The following HPSE2 variants were observed in gnomAD, a reference collection of about 807,000 sequenced individuals.
The protein encoded by HPSE2 is heparanase 2 (inactive).
Under a neutral mutation model 60.5 loss-of-function variants are expected in HPSE2, and 38 were observed. The ratio of observed to expected loss-of-function variants is 0.63; its 90% CI spans 0.48 to 0.82. HPSE2 has a LOEUF of 0.82. Among genes scored for constraint, HPSE2 ranks in the 40% least tolerant of loss-of-function variants. The pLI, the probability that HPSE2 is intolerant of heterozygous loss-of-function variation, is 0.00. For missense variants in HPSE2, 713 were observed against 740.4 expected, an observed-to-expected ratio of 0.96 and a Z score of 0.43; for synonymous variants, 295 against 293.2, an observed-to-expected ratio of 1.01 and a Z score of -0.06.
intron 11 of HPSE2, among the ~76,000 whole-genome samples, chr10:98,470,102 G>GGTGTGTGTGT (rs55762346): frequency 0.033 from 4,935 of 150,278 alleles, 157 homozygotes; most frequent in African/African-American, 0.077. Flanking sequence ...TAGGAAGGCA[G>GGTGTGTGTGT]GTGTGTGTGT....
chr10:99,159,242 A>G (rs1846722308), intron 2 of HPSE2, among the ~76,000 whole-genome samples: 1 of 152,166 alleles, frequency 6.6e-6, no homozygotes, highest in African/African-American at 2.4e-5. Flanking sequence ...GATTAATACA[A>G]CTGAAAAACC....
At chr10:99,274,475 A>G in the HPSE2 span, among the ~76,000 whole-genome samples, 4 of 152,188 alleles carry the variant, frequency 2.6e-5, no homozygotes, top group African/African-American at 9.6e-5. Context: ...TTTAAGACTC[A>G]GTTTTCATAA....
At chr10:99,219,191 CT>C (rs757809261) in intron 2 of HPSE2, among the ~76,000 whole-genome samples, 5 of 152,264 alleles carry the variant, frequency 3.3e-5, no homozygotes, top group Admixed American at 1.3e-4. Flanking sequence ...CTTTTAGAAT[CT>C]TTTTGGAAGT....
chr10:99,158,682 C>A (rs1846690778), intron 2 of HPSE2, among the ~76,000 whole-genome samples: 1 of 147,720 alleles, frequency 6.8e-6, no homozygotes, highest in South Asian at 2.2e-4. Context: ...ACCAGCATGG[C>A]ACATGTATAC....
chr10:98,858,709 C>T (rs771183512), intron 3 of HPSE2, among the ~76,000 whole-genome samples: 8 of 152,060 alleles, frequency 5.3e-5, no homozygotes, highest in South Asian at 4.1e-4. Flanking sequence ...AAGTTCACGA[C>T]GATGTGGTTG....
chr10:99,130,768 C>T lies in HPSE2; in HGVS notation c.610+13470G>A, dbSNP rs181490673. 1.2e-4 allele frequency among the ~76,000 whole-genome samples: 19 copies of T among 152,258 alleles called. No homozygotes were observed. The East Asian group carries it at 3.5e-3, about 28-fold the overall frequency. On this transcript the variant is annotated intron_variant, in intron 3 of 11. Transcript: ENST00000370552. The stretch of plus-strand genomic sequence containing the variant: ...CTATTACAAGGTGACAGACCCGGGG[C>T]TTTGGGAGTTATCAATCGGACAAAT...
chr10:98,938,471 C>A (rs1470785916), intron 3 of HPSE2, among the ~76,000 whole-genome samples: 1 of 143,552 alleles, frequency 7.0e-6, no homozygotes, highest in Admixed American at 6.9e-5. Flanking sequence ...ATGTGATCAA[C>A]TGGAAGAAAG....
chr10:98,524,047 C>G (rs139770154), intron 9 of HPSE2, among the ~76,000 whole-genome samples: 3,637 of 152,278 alleles, frequency 0.024, 61 homozygotes, highest in Non-Finnish European at 0.035. Flanking sequence ...ATCCTTGAAC[C>G]CTTTCTCAGT....
chr10:99,132,191 AAGAGAGAGAGAGAGAG>A (rs781059893), intron 3 of HPSE2, among the ~76,000 whole-genome samples: 7 of 71,892 alleles, frequency 9.7e-5, no homozygotes, highest in African/African-American at 1.9e-4. Context: ...GAAAGAAAGA[AAGAGAGAGAGAGAGAG>A]AGAGAGAGAG....
At chr10:98,544,345 A>G (rs184598254) in intron 9 of HPSE2, among the ~76,000 whole-genome samples, 1 of 152,202 alleles carries the variant, frequency 6.6e-6, no homozygotes, top group African/African-American at 2.4e-5. Context: ...AAAGAGGGAA[A>G]TTTATAGCAC....
At chr10:98,781,468 T>C (rs1950467588) in intron 3 of HPSE2, among the ~76,000 whole-genome samples, 1 of 151,974 alleles carries the variant, frequency 6.6e-6, no homozygotes, top group Non-Finnish European at 1.5e-5. Flanking sequence ...TGTTTAAAAC[T>C]TATATGAGTA....
intron 3 of HPSE2, among the ~76,000 whole-genome samples, chr10:99,119,809 G>C (rs1480027300): frequency 1.3e-5 from 2 of 152,148 alleles, no homozygotes; most frequent in African/African-American, 4.8e-5. Flanking sequence ...AAAACCATCT[G>C]ATCTTTGACA....
At chr10:98,846,728 A>G (rs940927543) in intron 3 of HPSE2, among the ~76,000 whole-genome samples, 2 of 152,216 alleles carry the variant, frequency 1.3e-5, no homozygotes, top group Non-Finnish European at 2.9e-5. Flanking sequence ...CCAAAATGCT[A>G]TGACACATTG....
chr10:98,971,526 G>A (rs183688373), intron 3 of HPSE2, among the ~76,000 whole-genome samples: 186 of 152,148 alleles, frequency 1.2e-3, no homozygotes, highest in Non-Finnish European at 2.1e-3. Flanking sequence ...ATTATTATCT[G>A]AGCATGTATT....
intron 3 of HPSE2, among the ~76,000 whole-genome samples, chr10:99,118,514 C>CTCCT (rs1413055394): frequency 1.6e-5 from 2 of 124,978 alleles, no homozygotes; most frequent in Admixed American, 1.7e-4. Flanking sequence ...CAGAGCAAGA[C>CTCCT]TCCTTCTCCA....
intron 3 of HPSE2, among the ~76,000 whole-genome samples, chr10:98,936,362 T>C (rs931768499): frequency 3.5e-5 from 5 of 143,804 alleles, no homozygotes; most frequent in Non-Finnish European, 7.4e-5. Context: ...ATGTAAAAAC[T>C]GCAGTTCAGT....
intron 3 of HPSE2, among the ~76,000 whole-genome samples, chr10:98,779,313 CAA>C (rs1168073376): frequency 2.0e-5 from 3 of 152,074 alleles, no homozygotes; most frequent in African/African-American, 7.2e-5. Context: ...TCTTTTCTTT[CAA>C]AAGACTCAAA....
At chr10:98,983,384 A>T (rs1053001227) in intron 3 of HPSE2, among the ~76,000 whole-genome samples, 1 of 152,328 alleles carries the variant, frequency 6.6e-6, no homozygotes, top group South Asian at 2.1e-4. Flanking sequence ...CTGTCGCTGC[A>T]GAAAACCCTG....
chr10:99,169,140 C>T (rs1311957799), intron 2 of HPSE2, among the ~76,000 whole-genome samples: 1 of 148,494 alleles, frequency 6.7e-6, no homozygotes, highest in Admixed American at 6.8e-5. Context: ...TTGTAGTGAG[C>T]CGAGATTGCG....
Sources: gnomAD v4.1 joint callset for allele counts (sites outside exome capture counted in the v4.1 genomes callset) on GRCh38, gnomAD v4.1.1 for gene constraint, MANE v1.5 for transcripts, NCBI Gene and HGNC (gene_info 2026-07-23, HGNC 2026-07-21) for gene names.